ZBTB41: variants seen among roughly 807,000 people sequenced by gnomAD.
ZBTB41 encodes the protein zinc finger and BTB domain containing 41, also known as zinc finger and BTB domain-containing protein 41.
A neutral mutation model predicts 87.6 loss-of-function variants in ZBTB41; 42 were observed. The observed-to-expected ratio is 0.48, with a 90% CI of 0.37 to 0.62. The LOEUF is 0.62. Ranked by LOEUF, ZBTB41 falls within the 20% of genes least tolerant of loss-of-function variation. The probability of loss-of-function intolerance (pLI) is 0.00; values close to 1 mark genes in which losing one functional copy is unlikely to be tolerated. For missense variants in ZBTB41, 799 were observed against 1,078.9 expected (o/e 0.74, Z 3.63); for synonymous variants, 364 against 364.0 (o/e 1.00, Z 0.00).
chr1:197,167,100 A>G (rs535529246), intron 10 of ZBTB41, among the ~76,000 whole-genome samples: 21 of 152,356 alleles, frequency 1.4e-4, no homozygotes, highest in African/African-American at 4.8e-4. Context: ...TGAACCAAAA[A>G]AATGTACAAA....
At chr1:197,193,641 C>T (rs1571669064) in intron 2 of ZBTB41, among the ~76,000 whole-genome samples, 1 of 152,286 alleles carries the variant, frequency 6.6e-6, no homozygotes, top group East Asian at 1.9e-4. Flanking sequence ...TCTCAGTTCC[C>T]TCTCTGCTAC....
intron 4 of ZBTB41, 83 bp from the exon 5 acceptor site, chr1:197,188,522 T>C: frequency 2.4e-6 from 3 of 1,248,052 alleles, no homozygotes; most frequent in Non-Finnish European, 3.2e-6. Context: ...GAAAACCATA[T>C]AAATTCAATA....
At chr1:197,180,548 T>C (rs1659719803) in intron 6 of ZBTB41, among the ~76,000 whole-genome samples, 1 of 149,544 alleles carries the variant, frequency 6.7e-6, no homozygotes, top group Admixed American at 6.6e-5. Context: ...GTGGAAAATA[T>C]CTCTAAAGAT....
intron 10 of ZBTB41, among the ~76,000 whole-genome samples, chr1:197,164,521 C>A (rs1659269429): frequency 6.7e-6 from 1 of 150,340 alleles, no homozygotes. Context: ...AAATATAAGT[C>A]CAAAGAAGGC....
At chr1:197,181,686 A>G (rs1389748921) in intron 5 of ZBTB41, among the ~76,000 whole-genome samples, 1 of 152,190 alleles carries the variant, frequency 6.6e-6, no homozygotes, top group Non-Finnish European at 1.5e-5. Flanking sequence ...CAAAGAAGCT[A>G]TATATTAGCA....
intron 10 of ZBTB41, among the ~76,000 whole-genome samples, chr1:197,166,096 C>T (rs114213364): frequency 0.025 from 3,856 of 152,096 alleles, 70 homozygotes; most frequent in Non-Finnish European, 0.038. Flanking sequence ...ATGTAGGTGA[C>T]GGGTTGATGG....
At chr1:197,196,562 T>C (rs1457087099) in intron 2 of ZBTB41, among the ~76,000 whole-genome samples, 2 of 152,224 alleles carry the variant, frequency 1.3e-5, no homozygotes, top group Admixed American at 6.5e-5. Context: ...GAAGCCACCA[T>C]GATCTTTCTA....
Position 197,158,293 on chromosome 1 carries a change from A to G in ZBTB41, c.*1066T>C, listed in dbSNP as rs552742369. The G allele has an allele frequency of 6.6e-6, 1 of 152,584 alleles. No homozygotes were observed. Among genetic ancestry groups the G allele is most frequent in the African/African-American group, 2.4e-5 (1 of 41,576 alleles). The allele number at this position is 152,584 out of a possible 1,614,324, so 9.5% of individuals were successfully genotyped here. On this transcript the variant is annotated 3_prime_UTR_variant, in exon 11 of 11. Transcript: ENST00000367405. Reference sequence around the variant, plus strand: ...AAAATTAAAGATCTGGATTGCATGTAAATCTGTATATAAGTAGTGGTTCCA... The same window carrying G: ...AAAATTAAAGATCTGGATTGCATGTGAATCTGTATATAAGTAGTGGTTCCA...
intron 9 of ZBTB41, among the ~76,000 whole-genome samples, chr1:197,174,566 A>C (rs765272616): frequency 6.6e-6 from 1 of 152,146 alleles, no homozygotes; most frequent in Non-Finnish European, 1.5e-5. Context: ...ACCTCAGTTA[A>C]ACTTGGATAT....
chr1:197,170,761 T>G (rs1192741359), intron 10 of ZBTB41, among the ~76,000 whole-genome samples: 2 of 152,184 alleles, frequency 1.3e-5, no homozygotes, highest in Non-Finnish European at 2.9e-5. Context: ...TGTCTATGGC[T>G]GCTTTCACAT....
intron 2 of ZBTB41, among the ~76,000 whole-genome samples, chr1:197,192,468 A>C (rs80062737): frequency 0.018 from 2,790 of 152,308 alleles, 88 homozygotes; most frequent in African/African-American, 0.063. Flanking sequence ...ACAAATTCAT[A>C]CACATAATGC....
At chr1:197,190,969 T>G (rs1163485814) in intron 3 of ZBTB41, 138 bp from the exon 4 acceptor site, 1 of 539,900 alleles carries the variant, frequency 1.9e-6, no homozygotes. Context: ...ATAGATGAGC[T>G]CTTTAAGAAG....
At chr1:197,196,751 A>G (rs181902700) in intron 2 of ZBTB41, among the ~76,000 whole-genome samples, 128 of 152,240 alleles carry the variant, frequency 8.4e-4, no homozygotes, top group Admixed American at 1.6e-3. Context: ...TGTTATTTTC[A>G]CTATGCCTCC....
Position 197,172,144 on chromosome 1 carries a change from A to T in ZBTB41, c.2074+16T>A. 1.7e-6 allele frequency: 2 copies of T among 1,199,532 alleles called. No individual in the cohort carries two copies. The highest frequency in any genetic ancestry group is 2.3e-5 in the South Asian group (1 of 42,612). 74.3% of individuals were successfully genotyped at this position (1,199,532 alleles called of 1,614,324 possible). On this transcript the variant is annotated intron_variant, in intron 10 of 10. Transcript: ENST00000367405. Reference sequence around the variant, plus strand: ...CTCTATATATATATATCTATGAACCACTCATTAAATTTTACCTGAATGCGT... The same window carrying T: ...CTCTATATATATATATCTATGAACCTCTCATTAAATTTTACCTGAATGCGT...
chr1:197,166,682 T>TA (rs35752770), intron 10 of ZBTB41, among the ~76,000 whole-genome samples: 125 of 145,258 alleles, frequency 8.6e-4, no homozygotes, highest in African/African-American at 2.4e-3. Context: ...CATCTCTACT[T>TA]AAAAAAAAAA....
Position 197,200,591 on chromosome 1 carries a change from C to T in ZBTB41, c.-117-1G>A, listed in dbSNP as rs531777879. ...GGGGCGTGCCCAAGGGTTTCATGGT[C>T]TGCAAAAGAGTGAGAACCACGTAAA... On this transcript the variant is annotated splice_acceptor_variant, in intron 1 of 10. Coordinates refer to ENST00000367405, the MANE Select transcript of ZBTB41 (RefSeq NM_194314.3). LOFTEE classifies it low-confidence loss of function (5UTR_SPLICE). The T allele has an allele frequency of 3.0e-6, 3 of 1,002,792 alleles. No individual in the cohort carries two copies. Among genetic ancestry groups the T allele is most frequent in the East Asian group, 2.6e-5 (1 of 38,874 alleles). The allele number at this position is 1,002,792 out of a possible 1,614,324, so 62.1% of individuals were successfully genotyped here. A position where few individuals can be genotyped will look rare whatever the true frequency, so the allele number is the denominator to read the frequency against.
chr1:197,188,560 T>G (rs1659940267), intron 4 of ZBTB41, 121 bp from the exon 5 acceptor site: 1 of 982,378 alleles, frequency 1.0e-6, no homozygotes, highest in East Asian at 2.7e-5. Flanking sequence ...ACAGAAAACT[T>G]ACAAAAAGTA....
chr1:197,159,999 T>G lies in ZBTB41; in HGVS notation c.2090A>C (p.Lys697Thr), dbSNP rs560208549. 6 of 1,611,860 alleles carry G rather than the reference T, an allele frequency of 3.7e-6. No homozygotes were observed. Among genetic ancestry groups the G allele is most frequent in the Non-Finnish European group, 5.1e-6 (6 of 1,178,620 alleles). Reference sequence around the variant, plus strand: ...AAAAGACTGATTGCAAATTTGACACTTGTATGGTTTTTCACCTATATGAAT... The same window carrying G: ...AAAAGACTGATTGCAAATTTGACACGTGTATGGTTTTTCACCTATATGAAT... Reference protein sequence around the residue: ...FRTHSGEKPYKCQICNQSFRI... With the variant: ...FRTHSGEKPYTCQICNQSFRI... Residue 697 changes from lysine (K) to threonine (T), a missense_variant, in exon 11 of 11, where the codon AAG becomes ACG. Physicochemically the swap from Lys to Thr is moderately conservative, Grantham distance 78. This residue lies in a region of ZBTB41 where 198 missense variants were observed against 358.4 expected (regional missense o/e 0.55). Transcript: ENST00000367405.
At chr1:197,171,574 CAT>C (rs1659479323) in intron 10 of ZBTB41, among the ~76,000 whole-genome samples, 1 of 151,982 alleles carries the variant, frequency 6.6e-6, no homozygotes, top group South Asian at 2.1e-4. Context: ...AAGAATCTAA[CAT>C]ATTCTGTATT....
Sources: gnomAD v4.1 joint callset for allele counts (sites outside exome capture counted in the v4.1 genomes callset) on GRCh38, gnomAD v4.1.1 for gene constraint, gnomAD v4.1.1 regional missense constraint, MANE v1.5 for transcripts, NCBI Gene and HGNC (gene_info 2026-07-23, HGNC 2026-07-21) for gene names.